The following LMNTD2 variants were observed in gnomAD, a reference collection of about 807,000 sequenced individuals.
LMNTD2 encodes the protein lamin tail domain containing 2, also known as lamin tail domain-containing protein 2.
Under a neutral mutation model 70.1 loss-of-function variants are expected in LMNTD2, and 83 were observed. The observed-to-expected ratio is 1.18, with a 90% confidence interval of 0.99 to 1.42. The LOEUF is 1.42. Ranked by LOEUF, LMNTD2 falls within the 40% of genes most tolerant of loss-of-function variation. The pLI is 0.00. For synonymous variants in LMNTD2, 534 were observed against 406.1 expected, an observed-to-expected ratio of 1.31 and a Z score of -3.79; for missense variants, 1,153 against 905.9, an observed-to-expected ratio of 1.27 and a Z score of -3.50.
intron 1 of LMNTD2, 80 bp downstream of exon 1, chr11:560,603 A>G: frequency 6.9e-6 from 9 of 1,311,316 alleles, no homozygotes; most frequent in South Asian, 2.1e-5. Context: ...ATCTCAAGCC[A>G]GAGACCCTTC....
rs1330243961 is a variant in LMNTD2 at position 558,294 on chromosome 11, G to A, written c.312-46C>T. ...GCAGCCCCCACCCTGCTCAGGCAGG[G>A]GTTCCTAATGTCAGGTCAGTGGCGA... On this transcript the variant is annotated intron_variant, in intron 3 of 13. Coordinates refer to ENST00000329451, the MANE Select transcript of LMNTD2 (RefSeq NM_173573.3). The A allele has an allele frequency of 3.8e-6, 6 of 1,588,522 alleles. No individual in the cohort carries two copies. The South Asian group carries it at 6.7e-5, about 18-fold the overall frequency.
At chr11:558,280 C>G (rs564227154) in intron 3 of LMNTD2, 32 bp from the exon 4 acceptor site, 3 of 1,604,442 alleles carry the variant, frequency 1.9e-6, no homozygotes, top group Non-Finnish European at 2.6e-6. Flanking sequence ...CAGCCCCCAC[C>G]CTGCTCAGGC....
At chr11:559,595 G>A in intron 1 of LMNTD2, 16 of 1,186,132 alleles carry the variant, frequency 1.3e-5, no homozygotes, top group Non-Finnish European at 1.7e-5. Context: ...CCCCTACCTA[G>A]CCTGGCAGCA....
chr11:559,254 C>T (rs1206234779), intron 1 of LMNTD2: 2 of 1,495,026 alleles, frequency 1.3e-6, no homozygotes, highest in African/African-American at 1.4e-5. Flanking sequence ...GCGTGTACCC[C>T]TGCCACCCAG....
At chr11:555,182 G>GGGAGGGGCGGAGAGGAGAGC in intron 13 of LMNTD2, 71 bp from the exon 14 acceptor site, 1 of 240,088 alleles carries the variant, frequency 4.2e-6, no homozygotes, top group Non-Finnish European at 6.7e-6. Context: ...GGGAGGAGAG[G>GGGAGGGGCGGAGAGGAGAGC]GGAGGGGCGG....
chr11:557,220 T>C (rs903394423), intron 7 of LMNTD2, 123 bp from the exon 8 acceptor site: 6 of 1,433,970 alleles, frequency 4.2e-6, no homozygotes, highest in Admixed American at 2.2e-5. Flanking sequence ...GCTCAGTTCA[T>C]GGCAGGACAG....
chr11:558,486 G>T, intron 3 of LMNTD2, 128 bp downstream of exon 3: 1 of 1,255,172 alleles, frequency 8.0e-7, no homozygotes, highest in Non-Finnish European at 1.1e-6. Flanking sequence ...GATCAGGGTG[G>T]AGGGTCAGCG....
rs553041849 is a variant in LMNTD2 at position 556,122 on chromosome 11, G to A, written c.1258-7C>T. ...GGGTCGCCTCGCCCCAGACCTGGAG[G>A]GGCGTGGAGCGGCGGGTGAGGGGCG... On this transcript the variant is annotated splice_region_variant and splice_polypyrimidine_tract_variant and intron_variant, in intron 10 of 13. Transcript: ENST00000329451. 3.8e-5 allele frequency: 53 copies of A among 1,412,062 alleles called. No homozygotes were observed. Among genetic ancestry groups the A allele is most frequent in the Non-Finnish European group, 4.7e-5 (51 of 1,089,944 alleles). 87.5% of individuals were successfully genotyped at this position (1,412,062 alleles called of 1,614,324 possible).
chr11:555,894 G>A lies in LMNTD2; in HGVS notation c.1414C>T (p.Pro472Ser), dbSNP rs1852829425. ...SEHRIPRRET[P>S]APRVFADGTD... is the part of the protein sequence containing the mutation. ...CCGTCGGCGAAGACCCTCGGGGCCG[G>A]AGTCTCGCGGCGTGGGATCCGGTGC... Residue 472 changes from proline to serine, a missense_variant, in exon 12 of 14, where the codon CCG (proline) becomes TCG (serine). Transcript: ENST00000329451. The A allele has an allele frequency of 6.4e-7, 1 of 1,566,576 alleles. No individual in the cohort carries two copies. The highest frequency in any genetic ancestry group is 2.6e-5 in the East Asian group (1 of 38,776).
chr11:555,892 C>A lies in LMNTD2; in HGVS notation c.1416G>T (p.Pro472=). Residue 472 remains proline, a synonymous_variant, in exon 12 of 14, where the codon CCG becomes CCT. Transcript: ENST00000329451. ...SEHRIPRRET[P]APRVFADGTD... is the part of the protein sequence containing the mutation. ...TGCCGTCGGCGAAGACCCTCGGGGC[C>A]GGAGTCTCGCGGCGTGGGATCCGGT... The A allele has an allele frequency of 6.4e-7, 1 of 1,566,022 alleles. No homozygotes were observed. The highest frequency in any genetic ancestry group is 8.6e-7 in the Non-Finnish European group (1 of 1,161,314).
rs746821777 is a variant in LMNTD2 at position 554,956 on chromosome 11, G to T, written c.*24C>A. ...GGCGCCCGCCCGCGCCCTCCCTCGC[G>T]GTCCCGGCCCCACTCCTCCGCCCCT... On this transcript the variant is annotated 3_prime_UTR_variant, in exon 14 of 14. Coordinates refer to ENST00000329451, the MANE Select transcript of LMNTD2 (RefSeq NM_173573.3). 5.6e-5 allele frequency: 84 copies of T among 1,497,244 alleles called. No individual in the cohort carries two copies. Among genetic ancestry groups the T allele is most frequent in the Middle Eastern group, 2.3e-4 (1 of 4,356 alleles). The allele number at this position is 1,497,244 out of a possible 1,614,324, so 92.7% of individuals were successfully genotyped here. A position where few individuals can be genotyped will look rare whatever the true frequency, so the allele number is the denominator to read the frequency against.
In LMNTD2 at chr11:554,961, C is replaced by G; in HGVS notation, c.*19G>C. The stretch of plus-strand genomic sequence containing the variant: ...CCGCCCGCGCCCTCCCTCGCGGTCC[C>G]GGCCCCACTCCTCCGCCCCTAGGCG... On this transcript the variant is annotated 3_prime_UTR_variant, in exon 14 of 14. Coordinates refer to ENST00000329451, the MANE Select transcript of LMNTD2 (RefSeq NM_173573.3). The G allele has an allele frequency of 6.5e-6, 10 of 1,534,902 alleles. No homozygotes were observed. The highest frequency in any genetic ancestry group is 8.7e-6 in the Non-Finnish European group (10 of 1,144,596).
In LMNTD2 at chr11:555,102, T is replaced by C. The variant is rs781648173; in HGVS notation, c.1783A>G (p.Lys595Glu). 6.7e-7 allele frequency: 1 copy of C among 1,490,648 alleles called. No individual in the cohort carries two copies. The highest frequency in any genetic ancestry group is 1.2e-5 in the South Asian group (1 of 81,564). 92.3% of individuals were successfully genotyped at this position (1,490,648 alleles called of 1,614,324 possible). The change falls in exon 14 of 14, where the codon AAG becomes GAG. Residue 595 changes from lysine to glutamate, a missense_variant. Physicochemically the swap from Lys to Glu is moderately conservative, Grantham distance 56. Transcript: ENST00000329451. Reference sequence around the variant, plus strand: ...AGGGGGCAGCTACGGTCCACGCTCTTCCGGCACACCTGGGGGGCGCGGGGG... The same window carrying C: ...AGGGGGCAGCTACGGTCCACGCTCTCCCGGCACACCTGGGGGGCGCGGGGG... ...QKEHRVRVCRKSVDRSCPLVA... is the reference protein window; with the variant it reads ...QKEHRVRVCRESVDRSCPLVA...
Position 557,490 on chromosome 11 carries a change from G to C in LMNTD2, c.625-3C>G. The stretch of plus-strand genomic sequence containing the variant: ...TCCACGTCCTCCAGCCGAAAGCCCT[G>C]GCCAGGAAGCAAGAGGCACATGGTC... On this transcript the variant is annotated splice_region_variant and splice_polypyrimidine_tract_variant and intron_variant, in intron 6 of 13. Coordinates refer to ENST00000329451, the MANE Select transcript of LMNTD2 (RefSeq NM_173573.3). 1 of 1,612,850 alleles carries C rather than the reference G, an allele frequency of 6.2e-7. No individual in the cohort carries two copies. The highest frequency in any genetic ancestry group is 8.5e-7 in the Non-Finnish European group (1 of 1,179,572).
rs1287712487 is a variant in LMNTD2 at position 556,196 on chromosome 11, ACGTGGTGCCGCGGGGCCAGCAGCGTGCC to A, written c.1225_1252del (p.Gly409SerfsTer37). On this transcript the variant is annotated frameshift_variant, in exon 10 of 14. Transcript: ENST00000329451. LOFTEE classifies it high-confidence loss of function. ...GGCTCCCGGGCCGGGGCGCACCGTGACGTGGTGCCGCGGGGCCAGCAGCGTGCCCGGCGGGAAGCGGTACAGGCGCTCC... is the reference window on the plus strand; with the variant it reads ...GGCTCCCGGGCCGGGGCGCACCGTGACGGCGGGAAGCGGTACAGGCGCTCC... 7.0e-6 allele frequency: 10 copies of A among 1,418,552 alleles called. No individual in the cohort carries two copies. The highest frequency in any genetic ancestry group is 9.1e-6 in the Non-Finnish European group (10 of 1,093,054). 87.9% of individuals were successfully genotyped at this position (1,418,552 alleles called of 1,614,324 possible).
At chr11:558,449 G>A in intron 3 of LMNTD2, 165 bp downstream of exon 3, 1 of 1,082,962 alleles carries the variant, frequency 9.2e-7, no homozygotes, top group South Asian at 1.6e-5. Context: ...GCAGGGTTAG[G>A]GTGGAGGCTA....
rs539706046 is a variant in LMNTD2 at position 554,901 on chromosome 11, T to C, written c.*79A>G. 5 of 1,014,982 alleles carry C rather than the reference T, an allele frequency of 4.9e-6. No homozygotes were observed. Among genetic ancestry groups the C allele is most frequent in the African/African-American group, 3.4e-5 (2 of 58,308 alleles). The allele number at this position is 1,014,982 out of a possible 1,614,324, so 62.9% of individuals were successfully genotyped here. A position where few individuals can be genotyped will look rare whatever the true frequency, so the allele number is the denominator to read the frequency against. ...TTGTAGGCCACGTTGGTTCAATAAA[T>C]GATGCAGCGGACACAGCCCGCCCAG... On this transcript the variant is annotated 3_prime_UTR_variant, in exon 14 of 14. Coordinates refer to ENST00000329451, the MANE Select transcript of LMNTD2 (RefSeq NM_173573.3).
At chr11:559,235 A>C (rs1162579312) in intron 1 of LMNTD2, 11 of 1,489,274 alleles carry the variant, frequency 7.4e-6, no homozygotes, top group Non-Finnish European at 9.9e-6. Flanking sequence ...ACCACCCGAC[A>C]TGTCCCTGGC....
At position 555,288 on chromosome 11, in the gene LMNTD2, C is replaced by G. The variant is rs929590630; in HGVS notation, c.1773+17G>C. On this transcript the variant is annotated intron_variant, in intron 13 of 13. Coordinates refer to ENST00000329451, the MANE Select transcript of LMNTD2 (RefSeq NM_173573.3). ...GAGGAGGGAGAGGAGGGGGCGCACC[C>G]GCAAGCGCGCACTCACCCGAACTCG... 7.2e-7 allele frequency: 1 copy of G among 1,381,186 alleles called. No individual in the cohort carries two copies. Among genetic ancestry groups the G allele is most frequent in the Non-Finnish European group, 9.4e-7 (1 of 1,069,112 alleles). 85.6% of individuals were successfully genotyped at this position (1,381,186 alleles called of 1,614,324 possible).
Sources: gnomAD v4.1 joint callset for allele counts on GRCh38, gnomAD v4.1.1 for gene constraint, MANE v1.5 for transcripts, NCBI Gene and HGNC (gene_info 2026-07-23, HGNC 2026-07-21) for gene names.